The following AGAP1 variants were observed in gnomAD, a reference collection of about 807,000 sequenced individuals.
AGAP1 encodes arf-GAP with GTPase, ANK repeat and PH domain-containing protein 1.
Under a neutral mutation model 105.3 loss-of-function variants are expected in AGAP1, and 29 were observed. The ratio of observed to expected loss-of-function variants is 0.28; its 90% confidence interval spans 0.21 to 0.38. The LOEUF is 0.38. AGAP1 is among the 10% of genes least tolerant of loss of function. The pLI, the probability that AGAP1 is intolerant of heterozygous loss-of-function variation, is 1.00. For synonymous variants in AGAP1, 509 were observed against 485.9 expected, an observed-to-expected ratio of 1.05 and a Z score of -0.63; for missense variants, 998 against 1,165.1, an observed-to-expected ratio of 0.86 and a Z score of 2.09.
intron 1 of AGAP1, among the ~76,000 whole-genome samples, chr2:235,704,375 G>T (rs376436176): frequency 2.3e-4 from 35 of 152,044 alleles, no homozygotes; most frequent in African/African-American, 7.3e-4. Flanking sequence ...GAGGCCGGGC[G>T]TGGTGGCTCA....
At position 235,575,942 on chromosome 2, in the gene AGAP1, A is replaced by G. The variant is rs144018326; in HGVS notation, c.163+81093A>G. ...GTTTTCAAAAGAAGATGATGTGAAA[A>G]AAAAGTGGCATTTTTATGAGACGTG... On this transcript the variant is annotated intron_variant, in intron 1 of 17. Transcript: ENST00000304032. 3.9e-3 allele frequency among the ~76,000 whole-genome samples: 591 copies of G among 152,294 alleles called. 4 individuals carry two copies. Among genetic ancestry groups the G allele is most frequent in the African/African-American group, 0.013 (539 of 41,560 alleles).
intron 3 of AGAP1, among the ~76,000 whole-genome samples, chr2:235,727,902 G>T (rs917302044): frequency 6.6e-6 from 1 of 152,190 alleles, no homozygotes; most frequent in Non-Finnish European, 1.5e-5. Context: ...CTAGTTTGGG[G>T]GCCTGGCTGT....
Position 235,549,567 on chromosome 2 carries a change from TC to T in AGAP1, c.163+54720del, listed in dbSNP as rs1267692084. ...ACAGAGTTGCATTGCTCCTCCGTCT[TC>T]CGCGTGCCTGTGGGCAGCTTTTGTT... On this transcript the variant is annotated intron_variant, in intron 1 of 17. Transcript: ENST00000304032. The surrounding 1 kb of genome is among the most constrained non-coding windows in gnomAD (Gnocchi z 4.2). Among the ~76,000 whole-genome samples, 1 of 152,198 alleles carries T rather than the reference TC, an allele frequency of 6.6e-6. No individual in the cohort carries two copies. Among genetic ancestry groups the T allele is most frequent in the Admixed American group, 6.5e-5 (1 of 15,286 alleles).
At chr2:235,649,862 A>AT (rs1947523693) in intron 1 of AGAP1, among the ~76,000 whole-genome samples, 1 of 152,218 alleles carries the variant, frequency 6.6e-6, no homozygotes, top group Admixed American at 6.5e-5. Flanking sequence ...CAGCTCCTCC[A>AT]TGCAAGCATG....
intron 9 of AGAP1, among the ~76,000 whole-genome samples, chr2:235,878,296 T>A (rs2049846005): frequency 1.3e-5 from 2 of 152,182 alleles, no homozygotes; most frequent in Admixed American, 1.3e-4. Context: ...CTGTGGCCAG[T>A]ATTTTAACAT....
intron 9 of AGAP1, among the ~76,000 whole-genome samples, chr2:235,807,939 A>G (rs1957924486): frequency 1.3e-5 from 2 of 152,326 alleles, no homozygotes; most frequent in East Asian, 3.9e-4. Context: ...CTCATTACAC[A>G]ACAGGACTTG....
chr2:236,057,673 A>G (rs1244642542), intron 16 of AGAP1, among the ~76,000 whole-genome samples: 1 of 152,106 alleles, frequency 6.6e-6, no homozygotes, highest in South Asian at 2.1e-4. Flanking sequence ...TATTATCTGC[A>G]TGGTACAATA....
rs1042971267 is a variant in AGAP1 at position 235,753,138 on chromosome 2, C to T, written c.673+2650C>T. Among the ~76,000 whole-genome samples the T allele has an allele frequency of 9.8e-5, 15 of 152,314 alleles. No homozygotes were observed. Among genetic ancestry groups the T allele is most frequent in the Admixed American group, 9.8e-4 (15 of 15,298 alleles). The stretch of plus-strand genomic sequence containing the variant: ...CAGTATAAGAATTTGGGTTGAGTTC[C>T]ATACCACACCCAGCACGTTCAAGGC... On this transcript the variant is annotated intron_variant, in intron 6 of 17. Coordinates refer to ENST00000304032, the MANE Select transcript of AGAP1 (RefSeq NM_001037131.3). This position sits in a 1 kb window ranked among gnomAD's most constrained non-coding sequence, Gnocchi z 4.5.
At chr2:235,978,540 G>A (rs1190609052) in intron 13 of AGAP1, among the ~76,000 whole-genome samples, 1 of 152,210 alleles carries the variant, frequency 6.6e-6, no homozygotes, top group African/African-American at 2.4e-5. Context: ...CATTTCTGTT[G>A]TCACAAATGA....
intron 1 of AGAP1, among the ~76,000 whole-genome samples, chr2:235,696,269 C>G (rs1371622561): frequency 6.6e-6 from 1 of 152,222 alleles, no homozygotes; most frequent in Non-Finnish European, 1.5e-5. Context: ...TGGTCTTGAA[C>G]TCCTGACCTC....
At chr2:235,863,020 G>A (rs1367904863) in intron 9 of AGAP1, among the ~76,000 whole-genome samples, 2 of 152,166 alleles carry the variant, frequency 1.3e-5, no homozygotes, top group African/African-American at 4.8e-5. Flanking sequence ...ACTGCTCACT[G>A]GTTATATTAC....
chr2:235,804,475 G>A (rs1036213312), intron 8 of AGAP1, among the ~76,000 whole-genome samples: 1 of 152,146 alleles, frequency 6.6e-6, no homozygotes, highest in Non-Finnish European at 1.5e-5. Context: ...TTTTGCAGAG[G>A]AGCTCCTGGG....
In AGAP1 at chr2:236,038,756, GACAA is replaced by G. The variant is rs1234468380; in HGVS notation, c.1801-1992_1801-1989del. On this transcript the variant is annotated intron_variant, in intron 14 of 17. Transcript: ENST00000304032. This position sits in a 1 kb window ranked among gnomAD's most constrained non-coding sequence, Gnocchi z 4.5. ...AGGTATAGGCATAGCTAGACAGACA[GACAA>G]ACCAACCAACCACAGAAATGATACA... is the stretch of plus-strand genomic sequence containing the variant. Among the ~76,000 whole-genome samples the G allele has an allele frequency of 1.8e-4, 28 of 152,010 alleles. No homozygotes were observed. Among genetic ancestry groups the G allele is most frequent in the Admixed American group, 1.7e-3 (26 of 15,264 alleles).
At chr2:235,511,926 G>A (rs1942145548) in intron 1 of AGAP1, among the ~76,000 whole-genome samples, 1 of 150,116 alleles carries the variant, frequency 6.7e-6, no homozygotes, top group African/African-American at 2.5e-5. Flanking sequence ...GTGTGTGAAT[G>A]TGTGAATGTG....
intron 12 of AGAP1, among the ~76,000 whole-genome samples, chr2:235,945,163 C>T (rs1426882007): frequency 2.6e-5 from 4 of 152,144 alleles, no homozygotes; most frequent in Non-Finnish European, 4.4e-5. Flanking sequence ...TGCAGTGGCG[C>T]GATCTCGGCT....
chr2:236,108,814 G>C lies in AGAP1; in HGVS notation c.2115-11378G>C, dbSNP rs2059571397. ...AGCCCTGCCACACACAGCGGCCCCT[G>C]TGAGGACTGAGGTGGACGTCTGGCT... is the stretch of plus-strand genomic sequence containing the variant. On this transcript the variant is annotated intron_variant, in intron 16 of 17. Coordinates refer to ENST00000304032, the MANE Select transcript of AGAP1 (RefSeq NM_001037131.3). Among the ~76,000 whole-genome samples, 5 of 152,150 alleles carry C rather than the reference G, an allele frequency of 3.3e-5. No individual in the cohort carries two copies. The South Asian group carries it at 1.0e-3, about 32-fold the overall frequency.
rs1031368700 is a variant in AGAP1, at chr2:235,553,706, C to T, written c.163+58857C>T. Among the ~76,000 whole-genome samples, 4 of 152,022 alleles carry T rather than the reference C, an allele frequency of 2.6e-5. No individual in the cohort carries two copies. Among genetic ancestry groups the T allele is most frequent in the South Asian group, 4.2e-4 (2 of 4,812 alleles). On this transcript the variant is annotated intron_variant, in intron 1 of 17. Coordinates refer to ENST00000304032, the MANE Select transcript of AGAP1 (RefSeq NM_001037131.3). The surrounding 1 kb of genome is among the most constrained non-coding windows in gnomAD (Gnocchi z 4.5). ...GGGCCCTGGATTTGGAGGGAGCCAA[C>T]TGCCAGAGTCTCAAGCAGGTGAGGG...
rs545860330 is a variant in AGAP1 at position 236,103,188 on chromosome 2, C to T, written c.2115-17004C>T. Among the ~76,000 whole-genome samples, 10 of 152,250 alleles carry T rather than the reference C, an allele frequency of 6.6e-5. No homozygotes were observed. In the East Asian group the frequency reaches 1.7e-3, roughly 26 times the overall value. The stretch of plus-strand genomic sequence containing the variant: ...CTCACCAAAACCAGCACCTCTGTCC[C>T]GTTCCATCCTCCGGCCTCACCTCCG... On this transcript the variant is annotated intron_variant, in intron 16 of 17. Coordinates refer to ENST00000304032, the MANE Select transcript of AGAP1 (RefSeq NM_001037131.3).
In AGAP1 at chr2:235,810,939, C is replaced by T. The variant is rs529755332; in HGVS notation, c.1050+3608C>T. On this transcript the variant is annotated intron_variant, in intron 9 of 17. Coordinates refer to ENST00000304032, the MANE Select transcript of AGAP1 (RefSeq NM_001037131.3). ...GGCTCAGCGGCAAGTGGGTTTGTCA[C>T]GTATTAATTTTTCATTGCTGTGGAG... Among the ~76,000 whole-genome samples the T allele has an allele frequency of 9.3e-5, 14 of 150,286 alleles. No homozygotes were observed. The South Asian group carries it at 2.5e-3, about 27-fold the overall frequency.
Sources: allele counts gnomAD v4.1 joint callset (sites outside exome capture counted in the v4.1 genomes callset), GRCh38; gene constraint gnomAD v4.1.1; non-coding constraint Gnocchi (gnomAD v3.1); transcripts MANE v1.5; gene names NCBI Gene and HGNC (gene_info 2026-07-23, HGNC 2026-07-21).